Variants in PCDHGB1 observed in about 807,000 individuals in gnomAD.
PCDHGB1 encodes protocadherin gamma subfamily B, 1, also known as protocadherin gamma-B1.
Under a neutral mutation model 56.6 loss-of-function variants are expected in PCDHGB1, and 34 were observed. That is an observed-to-expected ratio of 0.60 (90% CI 0.46 to 0.80). The LOEUF (loss-of-function observed/expected upper bound fraction) is 0.80. Ranked by LOEUF, PCDHGB1 falls within the 30% of genes least tolerant of loss-of-function variation. The probability of loss-of-function intolerance (pLI) is 0.00; values close to 1 mark genes in which losing one functional copy is unlikely to be tolerated. For synonymous variants in PCDHGB1, 561 were observed against 505.9 expected (o/e 1.11, Z -1.46); for missense variants, 1,278 against 1,204.6 (o/e 1.06, Z -0.90).
Position 141,475,863 on chromosome 5 carries a change from C to G in PCDHGB1, c.2410-18944C>G, listed in dbSNP as rs1037784260. On this transcript the variant is annotated intron_variant, in intron 1 of 3. Transcript: ENST00000523390. ...TCAGAGAGCCCGGCGCTAGCTCATT[C>G]TTCGTGCAGTTATTGGCTGGGACTC... is the stretch of plus-strand genomic sequence containing the variant. 1.4e-5 allele frequency: 7 copies of G among 499,790 alleles called. 1 individual carries two copies. The highest frequency in any genetic ancestry group is 1.4e-4 in the African/African-American group (7 of 51,600). The allele number at this position is 499,790 out of a possible 1,614,324, so 31.0% of individuals were successfully genotyped here. A position where few individuals can be genotyped will look rare whatever the true frequency, so the allele number is the denominator to read the frequency against.
chr5:141,414,900 T>C (rs1402776790), intron 1 of PCDHGB1: 5 of 1,614,170 alleles, frequency 3.1e-6, no homozygotes, highest in Middle Eastern at 1.6e-4. Flanking sequence ...CCACAGACGG[T>C]TCCACAGGCG....
chr5:141,388,426 T>C, intron 1 of PCDHGB1: 1 of 1,613,864 alleles, frequency 6.2e-7, no homozygotes, highest in Non-Finnish European at 8.5e-7. Context: ...TTCTCACTGA[T>C]AAATAAAGAG....
At chr5:141,436,439 A>G (rs1481744238) in intron 1 of PCDHGB1, among the ~76,000 whole-genome samples, 5 of 152,208 alleles carry the variant, frequency 3.3e-5, no homozygotes, top group African/African-American at 1.2e-4. Flanking sequence ...TCTGGGGATT[A>G]CCTGATACCA....
rs567522277 is a variant in PCDHGB1, at chr5:141,485,131, A to G, written c.2410-9676A>G. 1.3e-6 allele frequency: 2 copies of G among 1,482,660 alleles called. No individual in the cohort carries two copies. The highest frequency in any genetic ancestry group is 1.2e-5 in the South Asian group (1 of 83,730). 91.8% of individuals were successfully genotyped at this position (1,482,660 alleles called of 1,614,324 possible). ...TGGCTGTTTGGGGCGGGTCGGCTTC[A>G]TCCGCGTCTCAGGAGCAAGTAGAGA... On this transcript the variant is annotated intron_variant, in intron 1 of 3. Transcript: ENST00000523390. The surrounding 1 kb of genome is among the most constrained non-coding windows in gnomAD (Gnocchi z 5.7).
At chr5:141,430,874 C>A in intron 1 of PCDHGB1, 2 of 1,598,990 alleles carry the variant, frequency 1.3e-6, no homozygotes, top group East Asian at 4.5e-5. Context: ...TCCGGAAGAG[C>A]TGGAGAAAGG....
At chr5:141,465,657 G>A (rs904553709) in intron 1 of PCDHGB1, among the ~76,000 whole-genome samples, 4 of 152,130 alleles carry the variant, frequency 2.6e-5, no homozygotes, top group East Asian at 1.9e-4. Flanking sequence ...CCAAAAAAGC[G>A]CTTGCCATGA....
rs976135607 is a variant in PCDHGB1 at position 141,489,115 on chromosome 5, C to A, written c.2410-5692C>A. ...CTAAGAACTGCTGCAAGCAGGCAAA[C>A]CTCCGAGCAGTTTTTAAGAGGCTGG... On this transcript the variant is annotated intron_variant, in intron 1 of 3. Coordinates refer to ENST00000523390, the MANE Select transcript of PCDHGB1 (RefSeq NM_018922.3). This position sits in a 1 kb window ranked among gnomAD's most constrained non-coding sequence, Gnocchi z 4.5. 7.3e-5 allele frequency: 37 copies of A among 506,794 alleles called. No homozygotes were observed. Among genetic ancestry groups the A allele is most frequent in the Non-Finnish European group, 1.2e-4 (35 of 298,604 alleles). 31.4% of individuals were successfully genotyped at this position (506,794 alleles called of 1,614,324 possible).
At chr5:141,375,007 C>A (rs369489853) in intron 1 of PCDHGB1, 1 of 1,614,000 alleles carries the variant, frequency 6.2e-7, no homozygotes, top group East Asian at 2.2e-5. Context: ...CAAATCTAGA[C>A]TATGAGGACT....
rs771155381 is a variant in PCDHGB1, at chr5:141,355,726, G to T, written c.2409+3057G>T. 5.6e-6 allele frequency: 9 copies of T among 1,613,978 alleles called. No individual in the cohort carries two copies. In the South Asian group the frequency reaches 9.9e-5, roughly 18 times the overall value. ...GCAGGGTTACCAGCTCAACTCAAAC[G>T]GTTACTTTTCCCTGGACGTGCAAAG... is the stretch of plus-strand genomic sequence containing the variant. On this transcript the variant is annotated intron_variant, in intron 1 of 3. Coordinates refer to ENST00000523390, the MANE Select transcript of PCDHGB1 (RefSeq NM_018922.3).
At chr5:141,427,890 G>A in intron 1 of PCDHGB1, 1 of 1,566,844 alleles carries the variant, frequency 6.4e-7, no homozygotes, top group Non-Finnish European at 8.7e-7. Flanking sequence ...CCACGACCAG[G>A]GCTCGCCCGC....
intron 1 of PCDHGB1, among the ~76,000 whole-genome samples, chr5:141,473,907 C>T (rs552055360): frequency 2.0e-4 from 30 of 152,220 alleles, no homozygotes; most frequent in African/African-American, 7.2e-4. Context: ...ATGAAGAGGT[C>T]TTAAGAAAAC....
intron 1 of PCDHGB1, among the ~76,000 whole-genome samples, chr5:141,446,739 T>A (rs1292920572): frequency 2.6e-5 from 4 of 152,180 alleles, no homozygotes; most frequent in African/African-American, 7.2e-5. Flanking sequence ...AGTGTGGGGA[T>A]TACAGGCGTG....
At chr5:141,355,477 G>A in intron 1 of PCDHGB1, 1 of 1,614,072 alleles carries the variant, frequency 6.2e-7, no homozygotes, top group Non-Finnish European at 8.5e-7. Context: ...GATAGACAGG[G>A]AGGAGCTCTG....
intron 1 of PCDHGB1, among the ~76,000 whole-genome samples, chr5:141,401,282 C>G (rs963741934): frequency 4.0e-5 from 6 of 151,884 alleles, no homozygotes; most frequent in African/African-American, 1.5e-4. Context: ...GTGGAGGTTG[C>G]GGTGAGCCGA....
intron 1 of PCDHGB1, chr5:141,370,922 G>C (rs563952977): frequency 6.2e-7 from 1 of 1,613,978 alleles, no homozygotes; most frequent in Admixed American, 1.7e-5. Context: ...GCCCTGATCC[G>C]CACTTCTCTT....
chr5:141,466,510 A>AT (rs1222513096), intron 1 of PCDHGB1, among the ~76,000 whole-genome samples: 1 of 151,938 alleles, frequency 6.6e-6, no homozygotes, highest in African/African-American at 2.4e-5. Context: ...AGACAAGATC[A>AT]TTTTTTTTCC....
Position 141,477,932 on chromosome 5 carries a change from C to T in PCDHGB1, c.2410-16875C>T. 1 of 1,614,158 alleles carries T rather than the reference C, an allele frequency of 6.2e-7. No homozygotes were observed. The highest frequency in any genetic ancestry group is 8.5e-7 in the Non-Finnish European group (1 of 1,180,034). ...CGCGGATGCAGGGCACAATGCCTGGCTCTCCTACAGTCTCTTGGGATCCCC... is the reference window on the plus strand; with the variant it reads ...CGCGGATGCAGGGCACAATGCCTGGTTCTCCTACAGTCTCTTGGGATCCCC... On this transcript the variant is annotated intron_variant, in intron 1 of 3. Coordinates refer to ENST00000523390, the MANE Select transcript of PCDHGB1 (RefSeq NM_018922.3). This position sits in a 1 kb window ranked among gnomAD's most constrained non-coding sequence, Gnocchi z 4.9.
At chr5:141,454,941 G>A (rs2098807517) in intron 1 of PCDHGB1, among the ~76,000 whole-genome samples, 1 of 150,970 alleles carries the variant, frequency 6.6e-6, no homozygotes, top group Non-Finnish European at 1.5e-5. Flanking sequence ...CCGAGTAGCT[G>A]GGACTACAGG....
chr5:141,422,831 C>A (rs766457129), intron 1 of PCDHGB1: 11 of 1,614,242 alleles, frequency 6.8e-6, no homozygotes, highest in Non-Finnish European at 6.8e-6. Context: ...AGAGTGATAG[C>A]ACGTGACAGC....
Sources: gnomAD v4.1 joint callset for allele counts (sites outside exome capture counted in the v4.1 genomes callset) on GRCh38, gnomAD v4.1.1 for gene constraint, Gnocchi (gnomAD v3.1) non-coding constraint, MANE v1.5 for transcripts, NCBI Gene and HGNC (gene_info 2026-07-23, HGNC 2026-07-21) for gene names.